ZXDC: variants seen among roughly 807,000 people sequenced by gnomAD.
The protein encoded by ZXDC is ZXD family zinc finger C.
Under a neutral mutation model 63.6 loss-of-function variants are expected in ZXDC, and 58 were observed. The ratio of observed to expected loss-of-function variants is 0.91; its 90% CI spans 0.74 to 1.13. The LOEUF (loss-of-function observed/expected upper bound fraction) is 1.13, where lower values mean the gene tolerates loss of function less well. ZXDC is among the 50% of genes most tolerant of loss of function. The pLI is 0.00. For missense variants in ZXDC, 1,133 were observed against 1,148.9 expected, an observed-to-expected ratio of 0.99 and a Z score of 0.20; for synonymous variants, 561 against 496.1, an observed-to-expected ratio of 1.13 and a Z score of -1.74.
rs375282091 is a variant in ZXDC at position 126,461,614 on chromosome 3, T to C, written c.2048A>G (p.Gln683Arg). 1.5e-4 allele frequency: 247 copies of C among 1,613,978 alleles called. 2 individuals are homozygous for C. The highest frequency in any genetic ancestry group is 4.9e-4 in the Middle Eastern group (3 of 6,084). The part of the protein sequence containing the change: ...GQQEGSHGLP[Q>R]STLPSPAEQH... ...CTCTGCTGGACTGGGCAACGTGGAC[T>C]GGGGCAGCCCATGGCTTCCTTCCTG... is the stretch of plus-strand genomic sequence containing the variant. Residue 683 changes from glutamine (Q) to arginine (R), a missense_variant, in exon 6 of 10, where the codon CAG becomes CGG. Gln to Arg is a conservative substitution (Grantham distance 43). Transcript: ENST00000389709.
intron 6 of ZXDC, chr3:126,461,307 T>G: frequency 7.4e-7 from 1 of 1,347,236 alleles, no homozygotes; most frequent in Non-Finnish European, 9.5e-7. Flanking sequence ...TCAGAAAGCA[T>G]TTAGCCAAAT....
At chr3:126,467,026 T>C (rs1934797044) in intron 4 of ZXDC, among the ~76,000 whole-genome samples, 1 of 152,172 alleles carries the variant, frequency 6.6e-6, no homozygotes, top group Admixed American at 6.5e-5. Context: ...CAGAGGCCTA[T>C]GACCTGGTAG....
intron 6 of ZXDC, chr3:126,460,815 T>C (rs1230236008): frequency 1.0e-6 from 1 of 974,372 alleles, no homozygotes. Context: ...AGATGTAACA[T>C]TTTTTAAAAG....
intron 7 of ZXDC, chr3:126,454,011 G>T (rs185681052): frequency 1.5e-5 from 12 of 813,376 alleles, no homozygotes; most frequent in African/African-American, 3.7e-5. Context: ...ATATATATAA[G>T]CAGTACTATA....
intron 8 of ZXDC, 86 bp from the exon 9 acceptor site, chr3:126,439,813 T>C (rs1195168271): frequency 6.8e-7 from 1 of 1,474,138 alleles, no homozygotes; most frequent in African/African-American, 1.4e-5. Flanking sequence ...CTCCTCCAGC[T>C]GCAATGCGTG....
chr3:126,438,606 A>G, intron 9 of ZXDC, 145 bp from the exon 10 acceptor site: 2 of 653,472 alleles, frequency 3.1e-6, no homozygotes, highest in East Asian at 2.8e-5. Context: ...CTTATTCTAA[A>G]CACATGTTCT....
At chr3:126,454,231 T>C (rs1240583710) in intron 7 of ZXDC, 1 of 984,668 alleles carries the variant, frequency 1.0e-6, no homozygotes, top group South Asian at 4.7e-5. Context: ...GATCAGCAAA[T>C]AATGAACTAA....
In ZXDC at chr3:126,438,509, G is replaced by GA. The variant is rs1242554802; in HGVS notation, c.2491-49dup. The stretch of plus-strand genomic sequence containing the variant: ...GAAGAGGGAGGAGGGAGGGGAGGCA[G>GA]AGGGATCCTGTGGCTCCACACAGCA... On this transcript the variant is annotated intron_variant, in intron 9 of 9. Transcript: ENST00000389709. 2.6e-6 allele frequency: 4 copies of GA among 1,552,470 alleles called. No homozygotes were observed. In the African/African-American group the frequency reaches 5.4e-5, roughly 21 times the overall value.
intron 7 of ZXDC, chr3:126,458,732 T>C: frequency 1.0e-6 from 1 of 985,474 alleles, no homozygotes; most frequent in South Asian, 4.7e-5. Flanking sequence ...TTCATGAACT[T>C]TCCTTGGTAT....
chr3:126,474,975 G>T lies in ZXDC; in HGVS notation c.891C>A (p.Tyr297Ter). The T allele has an allele frequency of 6.3e-7, 1 of 1,584,860 alleles. No homozygotes were observed. The highest frequency in any genetic ancestry group is 8.6e-7 in the Non-Finnish European group (1 of 1,165,966). The change falls in exon 1 of 10, where the codon TAC becomes TAA. Residue 297 changes from tyrosine (Y) to a stop codon, truncating the protein, a stop_gained. Transcript: ENST00000389709. LOFTEE classifies it high-confidence loss of function. ...CGCGGTTACCGGGAAAGTCACACTT[G>T]TAAGGGCGCTCGGGCTCGAAGTGGC... ...QRSHFEPERP[Y>*]KCDFPGCEKT...
In ZXDC at chr3:126,461,914, A is replaced by G; in HGVS notation, c.1748T>C (p.Val583Ala). ...DIPPSLDSPLVLGTAATVLQQ... is the reference protein window; with the variant it reads ...DIPPSLDSPLALGTAATVLQQ... ...CAGAACCGTGGCTGCTGTCCCGAGA[A>G]CCAGAGGGCTGTCCAGGCTTGGGGG... is the stretch of plus-strand genomic sequence containing the variant. The change falls in exon 6 of 10, where the codon GTT becomes GCT. Residue 583 changes from valine to alanine, a missense_variant. Transcript: ENST00000389709. The G allele has an allele frequency of 6.2e-7, 1 of 1,613,926 alleles. No homozygotes were observed.
At chr3:126,453,329 C>T (rs1934183602) in intron 7 of ZXDC, 2 of 985,162 alleles carry the variant, frequency 2.0e-6, no homozygotes, top group Admixed American at 1.2e-4. Context: ...GGGCCATATC[C>T]CCTTAAGGAT....
chr3:126,442,073 T>C (rs535314040), intron 7 of ZXDC, 127 bp from the exon 8 acceptor site: 2 of 1,109,190 alleles, frequency 1.8e-6, no homozygotes, highest in South Asian at 3.1e-5. Flanking sequence ...CTAAGAGACG[T>C]AAAATCACTT....
At chr3:126,463,609 A>T (rs899438298) in intron 5 of ZXDC, among the ~76,000 whole-genome samples, 3 of 152,184 alleles carry the variant, frequency 2.0e-5, no homozygotes, top group East Asian at 1.9e-4. Context: ...GTAAAATGGG[A>T]GCATAATTAA....
rs370612936 is a variant in ZXDC, at chr3:126,475,110, G to A, written c.756C>T (p.Val252=). 1.6e-5 allele frequency: 25 copies of A among 1,610,668 alleles called. No homozygotes were observed. Among genetic ancestry groups the A allele is most frequent in the Admixed American group, 1.5e-4 (9 of 59,638 alleles). The change falls in exon 1 of 10, where the codon GTC becomes GTT. Residue 252 remains valine (V), a synonymous_variant. Transcript: ENST00000389709. ...CCTTCATGTGCGCCTTGAGGTTATA[G>A]ACCGTAGTGAACTTCTTGCCACAGC... ...VGGCGKKFTT[V]YNLKAHMKGH...
intron 7 of ZXDC, chr3:126,455,259 G>A (rs1934261922): frequency 4.9e-6 from 1 of 202,676 alleles, no homozygotes; most frequent in Non-Finnish European, 8.7e-6. Context: ...GATATATTTT[G>A]CTGAAAAGTA....
intron 7 of ZXDC, chr3:126,454,957 TG>T: frequency 1.0e-6 from 1 of 985,480 alleles, no homozygotes; most frequent in East Asian, 1.1e-4. Context: ...CAAATGCTAT[TG>T]CTCAGACTGT....
chr3:126,464,341 T>C (rs1171207301), intron 5 of ZXDC, among the ~76,000 whole-genome samples: 3 of 152,106 alleles, frequency 2.0e-5, no homozygotes, highest in African/African-American at 4.8e-5. Context: ...GTCCTTTCTA[T>C]CTTGGTTTCA....
Position 126,458,658 on chromosome 3 carries a change from T to C in ZXDC, c.2212+995A>G, listed in dbSNP as rs1053814055. 7.1e-6 allele frequency: 7 copies of C among 985,368 alleles called. No individual in the cohort carries two copies. In the South Asian group the frequency reaches 3.3e-4, roughly 46 times the overall value. The allele number at this position is 985,368 out of a possible 1,614,324, so 61.0% of individuals were successfully genotyped here. ...AATAAATAGGACACGTGTTATATAC[T>C]TGAATGTTTGTCTCTTTTTTCTTCA... On this transcript the variant is annotated intron_variant, in intron 7 of 9. Coordinates refer to ENST00000389709, the MANE Select transcript of ZXDC (RefSeq NM_025112.5).
Sources: allele counts gnomAD v4.1 joint callset (sites outside exome capture counted in the v4.1 genomes callset), GRCh38; gene constraint gnomAD v4.1.1; transcripts MANE v1.5; gene names NCBI Gene and HGNC (gene_info 2026-07-23, HGNC 2026-07-21).